The following CADPS variants were observed in gnomAD, a reference collection of about 807,000 sequenced individuals.
CADPS encodes calcium dependent secretion activator.
In CADPS, 57 loss-of-function variants were observed where a neutral mutation model predicts 167.3. The ratio of observed to expected loss-of-function variants is 0.34; its 90% CI spans 0.28 to 0.42. The LOEUF (loss-of-function observed/expected upper bound fraction) is 0.42. Among genes scored for constraint, CADPS ranks in the 20% least tolerant of loss-of-function variants. The pLI is 1.00. For missense variants in CADPS, 1,414 were observed against 1,738.1 expected, an observed-to-expected ratio of 0.81 and a Z score of 3.32; for synonymous variants, 676 against 635.3, an observed-to-expected ratio of 1.06 and a Z score of -0.96.
chr3:62,497,058 C>T (rs1217362099), intron 18 of CADPS, among the ~76,000 whole-genome samples: 1 of 152,030 alleles, frequency 6.6e-6, no homozygotes, highest in Non-Finnish European at 1.5e-5. Flanking sequence ...TTTGAATATA[C>T]AAGATTAAAA....
At position 62,420,792 on chromosome 3, in the gene CADPS, C is replaced by T. The variant is rs530492058; in HGVS notation, c.3777+17312G>A. On this transcript the variant is annotated intron_variant, in intron 28 of 29. Coordinates refer to ENST00000383710, the MANE Select transcript of CADPS (RefSeq NM_003716.4). The surrounding 1 kb of genome is among the most constrained non-coding windows in gnomAD (Gnocchi z 4.1). ...TGCTTTATTTTTACTCTCAGGAAACCGTATTCTCCTCTTTCTACTTCTCAC... is the reference window on the plus strand; with the variant it reads ...TGCTTTATTTTTACTCTCAGGAAACTGTATTCTCCTCTTTCTACTTCTCAC... Among the ~76,000 whole-genome samples the T allele has an allele frequency of 2.4e-4, 37 of 151,412 alleles. No homozygotes were observed. The highest frequency in any genetic ancestry group is 3.4e-3 in the Middle Eastern group (1 of 290).
At chr3:62,705,712 T>C (rs2082193933) in intron 3 of CADPS, among the ~76,000 whole-genome samples, 1 of 152,154 alleles carries the variant, frequency 6.6e-6, no homozygotes, top group African/African-American at 2.4e-5. Context: ...GGACTCAGAC[T>C]GGCTTCCTTC....
At chr3:62,745,381 T>A (rs1257138407) in intron 3 of CADPS, among the ~76,000 whole-genome samples, 1 of 152,142 alleles carries the variant, frequency 6.6e-6, no homozygotes, top group East Asian at 1.9e-4. Flanking sequence ...CCAGTATATA[T>A]GTATTGATGT....
chr3:62,844,733 T>C (rs2077141530), intron 1 of CADPS, among the ~76,000 whole-genome samples: 1 of 152,222 alleles, frequency 6.6e-6, no homozygotes, highest in African/African-American at 2.4e-5. Flanking sequence ...AAATCGATTC[T>C]TAGTATAATG....
intron 8 of CADPS, among the ~76,000 whole-genome samples, chr3:62,577,091 C>G (rs559838420): frequency 2.6e-4 from 39 of 152,172 alleles, no homozygotes; most frequent in African/African-American, 8.7e-4. Context: ...AACTTTAGTT[C>G]CAGGAATCCC....
chr3:62,575,828 G>A (rs1022385438), intron 8 of CADPS, among the ~76,000 whole-genome samples: 4 of 152,182 alleles, frequency 2.6e-5, no homozygotes, highest in African/African-American at 9.7e-5. Context: ...AAGCTGGTGG[G>A]ATCAGAGAAA....
intron 28 of CADPS, among the ~76,000 whole-genome samples, chr3:62,425,691 C>A (rs1333667032): frequency 1.3e-5 from 2 of 152,180 alleles, no homozygotes; most frequent in African/African-American, 4.8e-5. Flanking sequence ...AGATTGGAGT[C>A]ATCATAACTG....
intron 1 of CADPS, among the ~76,000 whole-genome samples, chr3:62,804,860 C>G (rs1412131803): frequency 1.3e-5 from 2 of 151,972 alleles, no homozygotes; most frequent in Non-Finnish European, 2.9e-5. Context: ...CACAGTATGT[C>G]CTGACCTTAT....
intron 1 of CADPS, among the ~76,000 whole-genome samples, chr3:62,840,355 G>A (rs969741691): frequency 1.3e-5 from 2 of 152,146 alleles, no homozygotes; most frequent in African/African-American, 2.4e-5. Context: ...TCAAAGAGAT[G>A]AGACAGTTTA....
rs1307086467 is a variant in CADPS, at chr3:62,474,011, GACAA to G, written c.3477+158_3477+161del. 1.7e-5 allele frequency: 9 copies of G among 530,776 alleles called. No individual in the cohort carries two copies. In the Admixed American group the frequency reaches 1.8e-4, roughly 11 times the overall value. 32.9% of individuals were successfully genotyped at this position (530,776 alleles called of 1,614,324 possible). ...CAGCACATGCCTTAGAAATCTACTT[GACAA>G]ACAGATACTGAACACTCATCCATGG... On this transcript the variant is annotated intron_variant, in intron 24 of 29. Transcript: ENST00000383710.
In CADPS at chr3:62,457,027, C is replaced by A. The variant is rs561353758; in HGVS notation, c.3636+8340G>T. ...TGCACTCTAGACACTAACTTCCAGA[C>A]AGTAGAGTAAGATTTTTTTTTTAAA... On this transcript the variant is annotated intron_variant, in intron 26 of 29. Coordinates refer to ENST00000383710, the MANE Select transcript of CADPS (RefSeq NM_003716.4). 3.0e-4 allele frequency among the ~76,000 whole-genome samples: 46 copies of A among 152,238 alleles called. 1 individual carries two copies. Among genetic ancestry groups the A allele is most frequent in the Middle Eastern group, 6.8e-3 (2 of 294 alleles).
intron 3 of CADPS, among the ~76,000 whole-genome samples, chr3:62,691,298 G>C (rs1911193): frequency 0.87 from 132,858 of 151,936 alleles, 58,250 homozygotes; most frequent in East Asian, 0.98. Context: ...TGTAAACCAA[G>C]AGCGAACCCT....
intron 18 of CADPS, among the ~76,000 whole-genome samples, chr3:62,494,486 A>G (rs1299995941): frequency 6.6e-6 from 1 of 152,194 alleles, no homozygotes; most frequent in Non-Finnish European, 1.5e-5. Flanking sequence ...TAGTTATTCA[A>G]CTAACTTTAC....
At chr3:62,800,686 A>G (rs1250681779) in intron 1 of CADPS, among the ~76,000 whole-genome samples, 2 of 152,126 alleles carry the variant, frequency 1.3e-5, no homozygotes, top group Non-Finnish European at 2.9e-5. Flanking sequence ...AGAGCCACCC[A>G]TGCAATTTGG....
At chr3:62,710,463 C>T (rs1197772627) in intron 3 of CADPS, among the ~76,000 whole-genome samples, 1 of 152,044 alleles carries the variant, frequency 6.6e-6, no homozygotes, top group African/African-American at 2.4e-5. Context: ...CTTCACGTTC[C>T]TCATAAGCTC....
chr3:62,537,539 C>T (rs868750596), intron 11 of CADPS, among the ~76,000 whole-genome samples: 11 of 152,154 alleles, frequency 7.2e-5, no homozygotes, highest in South Asian at 2.1e-4. Flanking sequence ...TCTCCTGATA[C>T]GCAGACTTTG....
intron 6 of CADPS, among the ~76,000 whole-genome samples, chr3:62,644,677 T>G (rs537404030): frequency 3.3e-5 from 5 of 152,286 alleles, no homozygotes; most frequent in African/African-American, 1.2e-4. Context: ...CCCAGGGCCT[T>G]TGCTAACCAC....
chr3:62,739,662 C>T (rs4994166), intron 3 of CADPS, among the ~76,000 whole-genome samples: 60,603 of 151,930 alleles, frequency 0.4, 12,515 homozygotes, highest in African/African-American at 0.48. Flanking sequence ...CTCTACTTAG[C>T]TTGAGTTCCT....
intron 11 of CADPS, among the ~76,000 whole-genome samples, chr3:62,537,585 T>C (rs1017050112): frequency 2.0e-5 from 3 of 152,150 alleles, no homozygotes; most frequent in Non-Finnish European, 4.4e-5. Flanking sequence ...TAGCAAAAGA[T>C]TTTATTCATC....
Sources: gnomAD v4.1 joint callset for allele counts (sites outside exome capture counted in the v4.1 genomes callset) on GRCh38, gnomAD v4.1.1 for gene constraint, Gnocchi (gnomAD v3.1) non-coding constraint, MANE v1.5 for transcripts, NCBI Gene and HGNC (gene_info 2026-07-23, HGNC 2026-07-21) for gene names.